The following BTK variants were observed in gnomAD, a reference collection of about 807,000 sequenced individuals.
BTK encodes the protein Bruton tyrosine kinase.
In BTK, 5 loss-of-function variants were observed where a neutral mutation model predicts 57.4. The observed-to-expected ratio is 0.09, with a 90% confidence interval of 0.05 to 0.18. The LOEUF (loss-of-function observed/expected upper bound fraction) is 0.18. BTK is among the 10% of genes least tolerant of loss of function. The pLI is 1.00. For synonymous variants in BTK, 154 were observed against 174.3 expected (o/e 0.88, Z 0.92); for missense variants, 194 against 501.2 (o/e 0.39, Z 5.85).
At chrX:101,366,963 G>A (rs1555979493) in intron 5 of BTK, among the ~76,000 whole-genome samples, 1 of 112,512 alleles carries the variant, frequency 8.9e-6, no homozygotes, top group East Asian at 2.8e-4. Flanking sequence ...ACCAAGCTCG[G>A]CTGGGCATAG....
chrX:101,375,325 T>A lies in BTK; in HGVS notation c.-30-11A>T, dbSNP rs1860110666. 8.3e-7 allele frequency: 1 copy of A among 1,204,065 alleles called. No individual in the cohort carries two copies. The highest frequency in any genetic ancestry group is 1.8e-5 in the African/African-American group (1 of 57,080). On this transcript the variant is annotated splice_polypyrimidine_tract_variant and intron_variant, in intron 1 of 18. Coordinates refer to ENST00000308731, the MANE Select transcript of BTK (RefSeq NM_000061.3). The stretch of plus-strand genomic sequence containing the variant: ...GAGTTCACCTGTGTGCTGTTGATAA[T>A]GAAAGTTCCTGAGGACCCAGGACAT...
At chrX:101,363,202 T>C (rs1926727409) in intron 5 of BTK, among the ~76,000 whole-genome samples, 1 of 111,560 alleles carries the variant, frequency 9.0e-6, no homozygotes, top group Admixed American at 9.6e-5. Context: ...TGAAGGTGAC[T>C]TTGCCTCTAG....
At chrX:101,388,069 T>C (rs182915458), upstream of BTK, among the ~76,000 whole-genome samples, 7 of 110,925 alleles carry the variant, frequency 6.3e-5, no homozygotes, top group East Asian at 2.0e-3. Context: ...GGTTTCACCA[T>C]GTTAGCCAGG....
At chrX:101,374,268 T>C (rs1603019340) in intron 3 of BTK, 2 of 332,913 alleles carry the variant, frequency 6.0e-6, no homozygotes, top group South Asian at 7.5e-5. Flanking sequence ...GGGAATAAAA[T>C]CAATGATCTC....
chrX:101,353,907 A>G lies in BTK; in HGVS notation c.1713T>C (p.Tyr571=). 8.3e-7 allele frequency: 1 copy of G among 1,211,624 alleles called. No individual in the cohort carries two copies. Among genetic ancestry groups the G allele is most frequent in the Middle Eastern group, 2.3e-4 (1 of 4,353 alleles). Residue 571 remains tyrosine (Y), a synonymous_variant, in exon 17 of 19, where the codon TAT becomes TAC. Coordinates refer to ENST00000308731, the MANE Select transcript of BTK (RefSeq NM_000061.3). ...TGTCAGATTTGCTGCTGAACTTGCTATACATCAGGACTTCCGGTGGGGACC... is the reference window on the plus strand; with the variant it reads ...TGTCAGATTTGCTGCTGAACTTGCTGTACATCAGGACTTCCGGTGGGGACC... The part of the protein sequence containing the change: ...VRWSPPEVLM[Y]SKFSSKSDIW...
intron 7 of BTK, among the ~76,000 whole-genome samples, chrX:101,361,278 T>C (rs1569292994): frequency 2.7e-5 from 3 of 110,373 alleles, no homozygotes; most frequent in Admixed American, 9.7e-5. Context: ...CACAGACCAA[T>C]TACATCAAAA....
At chrX:101,365,281 C>CAAAGAATA (rs1369988682) in intron 5 of BTK, among the ~76,000 whole-genome samples, 1 of 111,482 alleles carries the variant, frequency 9.0e-6, no homozygotes, top group Admixed American at 9.5e-5. Flanking sequence ...GTAGACATGC[C>CAAAGAATA]AAAGAATACC....
intron 17 of BTK, among the ~76,000 whole-genome samples, 161 bp from the exon 18 acceptor site, chrX:101,353,512 T>C (rs982541350): frequency 1.4e-4 from 16 of 111,294 alleles, no homozygotes; most frequent in South Asian, 3.8e-4. Context: ...CCACACTAGA[T>C]GGAGATCAAG....
intron 18 of BTK, 178 bp downstream of exon 18, chrX:101,353,016 A>G: frequency 2.2e-6 from 1 of 455,057 alleles, no homozygotes; most frequent in South Asian, 3.6e-5. Flanking sequence ...CAGTAAGCCA[A>G]GATCGCGCCA....
At position 101,356,707 on chromosome X, in the gene BTK, T is replaced by C; in HGVS notation, c.1349+77A>G. On this transcript the variant is annotated intron_variant, in intron 14 of 18. Transcript: ENST00000308731. ...AACCTCTCTTACTGTAAGTCATCTT[T>C]AAGCCTCAGTGGGTTGTTGTGTGAA... 6.1e-6 allele frequency: 7 copies of C among 1,140,380 alleles called. No individual in the cohort carries two copies. The South Asian group carries it at 9.0e-5, about 15-fold the overall frequency. 94.0% of individuals were successfully genotyped at this position (1,140,380 alleles called of 1,213,427 possible). A position where few individuals can be genotyped will look rare whatever the true frequency, so the allele number is the denominator to read the frequency against.
intron 17 of BTK, 61 bp from the exon 18 acceptor site, chrX:101,353,412 G>T: frequency 9.2e-7 from 1 of 1,082,762 alleles, no homozygotes; most frequent in Non-Finnish European, 1.3e-6. Context: ...AGGGGTCCTA[G>T]TCTTCCTAGA....
chrX:101,358,147 G>T, intron 12 of BTK, 163 bp downstream of exon 12: 1 of 764,015 alleles, frequency 1.3e-6, no homozygotes, highest in Non-Finnish European at 2.0e-6. Flanking sequence ...GTGTAGGTCT[G>T]CCTCTGACCA....
At chrX:101,362,365 C>T (rs1382814829) in intron 6 of BTK, 125 bp from the exon 7 acceptor site, 3 of 980,268 alleles carry the variant, frequency 3.1e-6, no homozygotes, top group Non-Finnish European at 4.4e-6. Context: ...AGTAGCTAGG[C>T]ATGCCAGGTC....
chrX:101,351,625 A>T (rs1214255822), intron 18 of BTK, among the ~76,000 whole-genome samples: 1 of 111,593 alleles, frequency 9.0e-6, no homozygotes, highest in Non-Finnish European at 1.9e-5. Context: ...AGAGTTGAGC[A>T]TTTATTTCCT....
rs60191867 is a variant in BTK at position 101,352,899 on chromosome X, CA to C, written c.1908+294del. 17,532 of 152,627 alleles carry C rather than the reference CA, an allele frequency of 0.11. 4 individuals are homozygous for C. Among genetic ancestry groups the C allele is most frequent in the Middle Eastern group, 0.14 (55 of 396 alleles). The allele number at this position is 152,627 out of a possible 1,213,427, so 12.6% of individuals were successfully genotyped here. A position where few individuals can be genotyped will look rare whatever the true frequency, so the allele number is the denominator to read the frequency against. Reference sequence around the variant, plus strand: ...GGGTGACAGAGCAAGACTGTGTCACCAAAAAAAAAAAAAAAAATTAGCTTGG... The same window carrying C: ...GGGTGACAGAGCAAGACTGTGTCACCAAAAAAAAAAAAAAAATTAGCTTGG... On this transcript the variant is annotated intron_variant, in intron 18 of 18. Coordinates refer to ENST00000308731, the MANE Select transcript of BTK (RefSeq NM_000061.3).
intron 9 of BTK, among the ~76,000 whole-genome samples, chrX:101,359,575 C>A (rs893785053): frequency 9.0e-6 from 1 of 111,380 alleles, no homozygotes; most frequent in African/African-American, 3.3e-5. Context: ...CAGGGAGTTG[C>A]AGGGAAGAGA....
chrX:101,350,221 G>A (rs1926231622), intron 18 of BTK, among the ~76,000 whole-genome samples: 1 of 110,610 alleles, frequency 9.0e-6, no homozygotes, highest in Admixed American at 9.7e-5. Context: ...TCAAAATTGA[G>A]GGCAAGTTCA....
chrX:101,353,409 C>T, intron 17 of BTK, 58 bp from the exon 18 acceptor site: 1 of 1,065,436 alleles, frequency 9.4e-7, no homozygotes, highest in Non-Finnish European at 1.3e-6. Flanking sequence ...AGCAGGGGTC[C>T]TAGTCTTCCT....
rs935237933 is a variant in BTK, at chrX:101,368,744, C to G, written c.391+1254G>C. On this transcript the variant is annotated intron_variant, in intron 5 of 18. Transcript: ENST00000308731. ...ATATAAAAGGTATTTAGCTCAATAT[C>G]TGGCACATAGCAATAATTGAATAGA... 3.6e-5 allele frequency among the ~76,000 whole-genome samples: 4 copies of G among 112,324 alleles called. No homozygotes were observed. The East Asian group carries it at 1.1e-3, about 31-fold the overall frequency.
Sources: allele counts gnomAD v4.1 joint callset (sites outside exome capture counted in the v4.1 genomes callset), GRCh38; gene constraint gnomAD v4.1.1; transcripts MANE v1.5; gene names NCBI Gene and HGNC (gene_info 2026-07-23, HGNC 2026-07-21).